Variants in MEGF10 observed in about 807,000 individuals in gnomAD.
The protein encoded by MEGF10 is multiple EGF like domains 10.
Under a neutral mutation model 147.5 loss-of-function variants are expected in MEGF10, and 86 were observed. The ratio of observed to expected loss-of-function variants is 0.58; its 90% CI spans 0.49 to 0.70. The LOEUF (loss-of-function observed/expected upper bound fraction) is 0.70. Among genes scored for constraint, MEGF10 ranks in the 30% least tolerant of loss-of-function variants. MEGF10 has a pLI of 0.00. For missense variants in MEGF10, 1,329 were observed against 1,487.3 expected (o/e 0.89, Z 1.75); for synonymous variants, 478 against 525.5 (o/e 0.91, Z 1.24).
At chr5:127,247,014 A>ATATATATATAT in the MEGF10 span, among the ~76,000 whole-genome samples, 1 of 36,828 alleles carries the variant, frequency 2.7e-5, no homozygotes, top group African/African-American at 7.7e-5. Flanking sequence ...ATATAGACAC[A>ATATATATATAT]CCATACATAC....
intron 1 of MEGF10, among the ~76,000 whole-genome samples, chr5:127,322,074 CAA>C (rs5871248): frequency 3.8e-5 from 5 of 131,834 alleles, no homozygotes; most frequent in East Asian, 2.3e-4. Flanking sequence ...AGCGCTTTTG[CAA>C]AAAAAAAAAA....
chr5:127,235,922 A>T, the MEGF10 span, among the ~76,000 whole-genome samples: 1 of 152,158 alleles, frequency 6.6e-6, no homozygotes, highest in Non-Finnish European at 1.5e-5. Context: ...AGGATAATTT[A>T]TCCTTTTAAA....
chr5:127,339,491 G>A (rs951536530), intron 3 of MEGF10, among the ~76,000 whole-genome samples: 5 of 152,078 alleles, frequency 3.3e-5, no homozygotes, highest in Admixed American at 1.3e-4. Context: ...TCTGTGTTGC[G>A]CATAACTGGG....
chr5:127,457,649 G>T lies in MEGF10; in HGVS notation c.*331G>T. The T allele has an allele frequency of 3.8e-6, 1 of 265,496 alleles. No homozygotes were observed. Among genetic ancestry groups the T allele is most frequent in the African/African-American group, 2.2e-5 (1 of 45,854 alleles). 16.4% of individuals were successfully genotyped at this position (265,496 alleles called of 1,614,324 possible). A position where few individuals can be genotyped will look rare whatever the true frequency, so the allele number is the denominator to read the frequency against. ...GGTTGCAGTGGACATTGGGATTGTT[G>T]CTTGAAAAATTAAAATTTGAATATT... is the stretch of plus-strand genomic sequence containing the variant. On this transcript the variant is annotated 3_prime_UTR_variant, in exon 25 of 25. Coordinates refer to ENST00000503335, the MANE Select transcript of MEGF10 (RefSeq NM_001256545.2).
At chr5:127,286,159 G>T (rs1759022573), upstream of MEGF10, among the ~76,000 whole-genome samples, 1 of 151,966 alleles carries the variant, frequency 6.6e-6, no homozygotes, top group Admixed American at 6.6e-5. Flanking sequence ...GAAAGAGTGT[G>T]TGAGTGAGAG....
At chr5:127,424,248 C>T in intron 13 of MEGF10, 1 of 688,034 alleles carries the variant, frequency 1.5e-6, no homozygotes, top group Non-Finnish European at 2.6e-6. Flanking sequence ...TCTCCTTATG[C>T]CAGCACCATA....
chr5:127,293,827 A>C lies in MEGF10; in HGVS notation c.-19+2771A>C, dbSNP rs1759372859. 2.0e-5 allele frequency among the ~76,000 whole-genome samples: 3 copies of C among 152,180 alleles called. No homozygotes were observed. The South Asian group carries it at 6.2e-4, about 32-fold the overall frequency. On this transcript the variant is annotated intron_variant, in intron 1 of 24. Coordinates refer to ENST00000503335, the MANE Select transcript of MEGF10 (RefSeq NM_001256545.2). Reference sequence around the variant, plus strand: ...TGAGATCTCCAGGTGAACCTGGTAAAGCTGACGTCAGATCACATTTGGAGA... The same window carrying C: ...TGAGATCTCCAGGTGAACCTGGTAACGCTGACGTCAGATCACATTTGGAGA...
At chr5:127,315,926 T>A (rs1258159921) in intron 1 of MEGF10, among the ~76,000 whole-genome samples, 1 of 152,234 alleles carries the variant, frequency 6.6e-6, no homozygotes, top group Non-Finnish European at 1.5e-5. Flanking sequence ...GTCTTTCAGT[T>A]GCTGTAGACC....
chr5:127,239,283 A>G, the MEGF10 span, among the ~76,000 whole-genome samples: 1 of 151,056 alleles, frequency 6.6e-6, no homozygotes, highest in Non-Finnish European at 1.5e-5. Flanking sequence ...TTGAATTTGG[A>G]CTGTAAATTA....
chr5:127,399,835 C>T (rs1243865006), intron 7 of MEGF10, among the ~76,000 whole-genome samples: 1 of 152,208 alleles, frequency 6.6e-6, no homozygotes, highest in East Asian at 1.9e-4. Context: ...TTGTTCTTCT[C>T]TTTTCTCACC....
Position 127,396,659 on chromosome 5 carries a change from C to G in MEGF10, c.540C>G (p.Asp180Glu). 1 of 1,614,116 alleles carries G rather than the reference C, an allele frequency of 6.2e-7. No homozygotes were observed. The highest frequency in any genetic ancestry group is 1.3e-5 in the African/African-American group (1 of 75,066). ...GCTTCCGGGGCTGGCGCTGCGAGGA[C>G]CGCTGTGAGCAGGGCACCTATGGTA... ...AAGFRGWRCE[D>E]RCEQGTYGND... Residue 180 changes from aspartate (D) to glutamate (E), a missense_variant, in exon 6 of 25, where the codon GAC (aspartate) becomes GAG (glutamate). Coordinates refer to ENST00000503335, the MANE Select transcript of MEGF10 (RefSeq NM_001256545.2).
intron 5 of MEGF10, among the ~76,000 whole-genome samples, chr5:127,385,467 TTCGCCATGTTG>T (rs1763393347): frequency 6.6e-6 from 1 of 152,174 alleles, no homozygotes; most frequent in Non-Finnish European, 1.5e-5. Context: ...GAGATGGGGT[TTCGCCATGTTG>T]GCGAGGCTGG....
the MEGF10 span, among the ~76,000 whole-genome samples, chr5:127,261,382 T>C: frequency 6.6e-6 from 1 of 152,222 alleles, no homozygotes; most frequent in Non-Finnish European, 1.5e-5. Flanking sequence ...ATGGATACTT[T>C]CACTTAGCAT....
chr5:127,384,570 C>G (rs1763365362), intron 5 of MEGF10, among the ~76,000 whole-genome samples: 1 of 152,128 alleles, frequency 6.6e-6, no homozygotes, highest in African/African-American at 2.4e-5. Context: ...ATTTTACACC[C>G]CTTTTTCTGG....
the MEGF10 span, among the ~76,000 whole-genome samples, chr5:127,265,139 T>C: frequency 5.3e-5 from 8 of 152,188 alleles, no homozygotes; most frequent in African/African-American, 1.9e-4. Context: ...CATTGTTCAG[T>C]TCCCACCTAT....
chr5:127,351,111 T>C (rs536190015), intron 4 of MEGF10, among the ~76,000 whole-genome samples: 10 of 152,300 alleles, frequency 6.6e-5, no homozygotes, highest in African/African-American at 2.4e-4. Context: ...TCAGTAATAA[T>C]TTAATTGTAC....
At chr5:127,387,435 T>A (rs1051717791) in intron 5 of MEGF10, among the ~76,000 whole-genome samples, 12 of 152,232 alleles carry the variant, frequency 7.9e-5, no homozygotes, top group African/African-American at 2.9e-4. Flanking sequence ...TCTTGAAGCC[T>A]GGGAACTGTC....
the MEGF10 span, among the ~76,000 whole-genome samples, chr5:127,265,065 C>T: frequency 3.9e-5 from 6 of 152,150 alleles, no homozygotes; most frequent in African/African-American, 2.4e-5. Flanking sequence ...TTTCCCTCCT[C>T]CCTTCCCCCT....
intron 4 of MEGF10, among the ~76,000 whole-genome samples, chr5:127,357,779 A>G (rs1412232535): frequency 6.6e-6 from 1 of 152,094 alleles, no homozygotes; most frequent in African/African-American, 2.4e-5. Flanking sequence ...ACAATTTTAT[A>G]TTTTAAACAA....
Sources: allele counts gnomAD v4.1 joint callset (sites outside exome capture counted in the v4.1 genomes callset), GRCh38; gene constraint gnomAD v4.1.1; transcripts MANE v1.5; gene names NCBI Gene and HGNC (gene_info 2026-07-23, HGNC 2026-07-21).